Variants in RAPGEF2 observed in about 807,000 individuals in gnomAD.
RAPGEF2 encodes PDZ domain containing guanine nucleotide exchange factor (GEF) 1.
RAPGEF2 carries 54 observed loss-of-function variants against 186.7 expected under a neutral mutation model. The ratio of observed to expected loss-of-function variants is 0.29; its 90% CI spans 0.23 to 0.36. The LOEUF (loss-of-function observed/expected upper bound fraction) is 0.36. Ranked by LOEUF, RAPGEF2 falls within the 10% of genes least tolerant of loss-of-function variation. The pLI is 1.00. For synonymous variants in RAPGEF2, 712 were observed against 705.9 expected (o/e 1.01, Z -0.14); for missense variants, 1,532 against 2,045.0 (o/e 0.75, Z 4.84).
chr4:159,351,297 T>C (rs1731142226), intron 26 of RAPGEF2: 2 of 1,221,284 alleles, frequency 1.6e-6, no homozygotes, highest in Non-Finnish European at 2.2e-6. Flanking sequence ...TTTATTTTTC[T>C]GAAACTTTTT....
rs1043250477 is a variant in RAPGEF2 at position 159,332,373 on chromosome 4, A to G, written c.1889-78A>G. The G allele has an allele frequency of 3.8e-5, 54 of 1,433,238 alleles. No homozygotes were observed. The Admixed American group carries it at 1.1e-3, about 29-fold the overall frequency. The allele number at this position is 1,433,238 out of a possible 1,614,324, so 88.8% of individuals were successfully genotyped here. A position where few individuals can be genotyped will look rare whatever the true frequency, so the allele number is the denominator to read the frequency against. On this transcript the variant is annotated intron_variant, in intron 16 of 29. Transcript: ENST00000691494. ...AGTCTGTACTTCTCATATATTTCCAAGTTCCACAATTGCCTTAGAATTGTT... is the reference window on the plus strand; with the variant it reads ...AGTCTGTACTTCTCATATATTTCCAGGTTCCACAATTGCCTTAGAATTGTT...
At chr4:159,343,932 C>T in intron 22 of RAPGEF2, 104 bp from the exon 23 acceptor site, 1 of 1,212,600 alleles carries the variant, frequency 8.2e-7, no homozygotes, top group Non-Finnish European at 1.2e-6. Context: ...TTGTGGGCTT[C>T]TAGAACTGCT....
intron 7 of RAPGEF2, among the ~76,000 whole-genome samples, chr4:159,274,949 AC>A (rs1758639032): frequency 1.3e-5 from 2 of 152,038 alleles, no homozygotes; most frequent in South Asian, 4.1e-4. Context: ...GTGCAGAAAC[AC>A]CCATGTCATA....
chr4:159,104,215 C>T lies in RAPGEF2; in HGVS notation c.53C>T (p.Pro18Leu). Residue 18 changes from proline (P) to leucine (L), a missense_variant, in exon 1 of 30, where the codon CCC becomes CTC. Around this residue, in one of 4 missense-constraint regions of RAPGEF2, gnomAD observed 810 missense variants for 1,210.5 expected, o/e 0.67. Transcript: ENST00000691494. ...SFRQAVMKNP[P>L]ERTPQDLEIV... The stretch of plus-strand genomic sequence containing the variant: ...CGCCAGGCGGTGATGAAGAATCCCC[C>T]CGAAAGGACCCCCCAGGTGAGAACG... 20 of 1,267,934 alleles carry T rather than the reference C, an allele frequency of 1.6e-5. No individual in the cohort carries two copies. Among genetic ancestry groups the T allele is most frequent in the Non-Finnish European group, 2.0e-5 (20 of 982,776 alleles). The allele number at this position is 1,267,934 out of a possible 1,614,324, so 78.5% of individuals were successfully genotyped here. A position where few individuals can be genotyped will look rare whatever the true frequency, so the allele number is the denominator to read the frequency against.
intron 18 of RAPGEF2, among the ~76,000 whole-genome samples, chr4:159,338,753 CAAAT>C (rs1215382401): frequency 1.3e-5 from 2 of 152,146 alleles, no homozygotes; most frequent in African/African-American, 2.4e-5. Flanking sequence ...TAAATCATAT[CAAAT>C]AGATAGAGTA....
chr4:159,129,712 G>T (rs1184044430), intron 1 of RAPGEF2, among the ~76,000 whole-genome samples: 4 of 152,174 alleles, frequency 2.6e-5, no homozygotes, highest in Non-Finnish European at 5.9e-5. Context: ...TTTACAAAAT[G>T]AAGTTCTAAT....
intron 1 of RAPGEF2, among the ~76,000 whole-genome samples, chr4:159,104,553 A>AGAGAGAGAGAGGGAGAGAGTGTGTGT (rs1553991869): frequency 1.5e-5 from 2 of 136,028 alleles, no homozygotes; most frequent in African/African-American, 5.9e-5. Flanking sequence ...AGAGAGAGAG[A>AGAGAGAGAGAGGGAGAGAGTGTGTGT]GTGTGTGTGT....
At chr4:159,249,990 G>A (rs1439916899) in intron 7 of RAPGEF2, among the ~76,000 whole-genome samples, 1 of 151,842 alleles carries the variant, frequency 6.6e-6, no homozygotes, top group African/African-American at 2.4e-5. Flanking sequence ...TACTCGTATT[G>A]GGAAATATCA....
intron 1 of RAPGEF2, among the ~76,000 whole-genome samples, chr4:159,105,154 CCGCCTTTAGTT>C (rs1192427807): frequency 6.6e-6 from 1 of 152,202 alleles, no homozygotes; most frequent in African/African-American, 2.4e-5. Context: ...TTAATTTTCT[CCGCCTTTAGTT>C]GCTGACTGGA....
At chr4:159,288,276 T>A (rs1301463184) in intron 7 of RAPGEF2, among the ~76,000 whole-genome samples, 5 of 152,212 alleles carry the variant, frequency 3.3e-5, no homozygotes, top group Non-Finnish European at 7.3e-5. Context: ...AATTTGGTTA[T>A]CCACTCACAT....
chr4:159,157,037 A>G (rs1162163684), intron 1 of RAPGEF2, among the ~76,000 whole-genome samples: 1 of 152,216 alleles, frequency 6.6e-6, no homozygotes, highest in African/African-American at 2.4e-5. Context: ...TGCTCAATTT[A>G]GGAACCATTT....
intron 4 of RAPGEF2, among the ~76,000 whole-genome samples, chr4:159,218,047 A>G (rs542642585): frequency 6.6e-5 from 10 of 152,390 alleles, no homozygotes; most frequent in East Asian, 1.9e-4. Context: ...AAGTCATACA[A>G]TGACTTACTG....
intron 7 of RAPGEF2, among the ~76,000 whole-genome samples, chr4:159,253,001 T>G (rs541380095): frequency 2.0e-5 from 3 of 152,376 alleles, no homozygotes; most frequent in African/African-American, 7.2e-5. Flanking sequence ...TTTGATACTT[T>G]AGCAAATATG....
At chr4:159,245,663 G>C (rs1482557442) in intron 7 of RAPGEF2, among the ~76,000 whole-genome samples, 3 of 152,008 alleles carry the variant, frequency 2.0e-5, no homozygotes, top group African/African-American at 7.2e-5. Flanking sequence ...TATTAAAAAT[G>C]GAGAGGAGAG....
At chr4:159,329,665 C>T (rs1766398525) in intron 11 of RAPGEF2, 193 bp from the exon 12 acceptor site, 2 of 375,172 alleles carry the variant, frequency 5.3e-6, no homozygotes. Context: ...AAAAATGAAA[C>T]TTTTCTTGAC....
At chr4:159,285,373 C>T (rs1760318659) in intron 7 of RAPGEF2, among the ~76,000 whole-genome samples, 1 of 152,122 alleles carries the variant, frequency 6.6e-6, no homozygotes, top group African/African-American at 2.4e-5. Flanking sequence ...CTATGAATTA[C>T]AGTCTAAAGG....
chr4:159,267,397 T>G, intron 7 of RAPGEF2: 1 of 1,131,456 alleles, frequency 8.8e-7, no homozygotes. Context: ...GTGTTTCTGT[T>G]AGTGGCTCTC....
chr4:159,213,374 A>C (rs6855384), intron 4 of RAPGEF2, among the ~76,000 whole-genome samples: 72,967 of 152,092 alleles, frequency 0.48, 19,121 homozygotes, highest in African/African-American at 0.7. Flanking sequence ...CTTCACCCCA[A>C]GTTTTTATCA....
At chr4:159,310,315 C>T (rs959376193) in intron 8 of RAPGEF2, among the ~76,000 whole-genome samples, 2 of 152,066 alleles carry the variant, frequency 1.3e-5, no homozygotes, top group Admixed American at 6.6e-5. Flanking sequence ...AGCAACCTAA[C>T]GATTTACATT....
Sources: gnomAD v4.1 joint callset for allele counts (sites outside exome capture counted in the v4.1 genomes callset) on GRCh38, gnomAD v4.1.1 for gene constraint, gnomAD v4.1.1 regional missense constraint, MANE v1.5 for transcripts, NCBI Gene and HGNC (gene_info 2026-07-23, HGNC 2026-07-21) for gene names.